GRIN3A: variants seen among roughly 807,000 people sequenced by gnomAD.
GRIN3A encodes glutamate receptor ionotropic, NMDA 3A.
In GRIN3A, 47 loss-of-function variants were observed where a neutral mutation model predicts 92.4. The observed-to-expected ratio is 0.51, with a 90% CI of 0.40 to 0.65. The LOEUF is 0.65. GRIN3A is among the 30% of genes least tolerant of loss of function. GRIN3A has a pLI of 0.00. For missense variants in GRIN3A, 1,324 were observed against 1,393.1 expected (o/e 0.95, Z 0.79); for synonymous variants, 527 against 540.6 (o/e 0.97, Z 0.35).
intron 1 of GRIN3A, among the ~76,000 whole-genome samples, chr9:101,710,691 G>C (rs1156611530): frequency 6.6e-6 from 1 of 152,202 alleles, no homozygotes; most frequent in African/African-American, 2.4e-5. Flanking sequence ...AGGTATCCCA[G>C]GTAGAAATTT....
chr9:101,633,494 G>T (rs72745358), intron 3 of GRIN3A, among the ~76,000 whole-genome samples: 4 of 152,246 alleles, frequency 2.6e-5, no homozygotes, highest in Non-Finnish European at 5.9e-5. Flanking sequence ...GATTAGCAGG[G>T]GTCCCAAACC....
At chr9:101,595,115 G>A (rs1828102523) in intron 6 of GRIN3A, 2 of 600,962 alleles carry the variant, frequency 3.3e-6, no homozygotes, top group South Asian at 2.1e-5. Context: ...AGAGAGGAGG[G>A]AAAGAAGGAG....
intron 1 of GRIN3A, among the ~76,000 whole-genome samples, chr9:101,730,972 C>A (rs1013067294): frequency 6.6e-6 from 1 of 152,064 alleles, no homozygotes; most frequent in Non-Finnish European, 1.5e-5. Flanking sequence ...TTCTAGACTT[C>A]ATATTTTACA....
chr9:101,707,290 G>C (rs1229171076), intron 1 of GRIN3A, among the ~76,000 whole-genome samples: 5 of 152,178 alleles, frequency 3.3e-5, no homozygotes, highest in Non-Finnish European at 7.3e-5. Context: ...GAACTGAACT[G>C]CAGACATGCT....
chr9:101,632,983 A>G (rs769528655), intron 3 of GRIN3A, among the ~76,000 whole-genome samples: 3 of 152,184 alleles, frequency 2.0e-5, no homozygotes, highest in African/African-American at 4.8e-5. Flanking sequence ...CCTTGGGGAA[A>G]TATCTAAGGT....
At position 101,579,320 on chromosome 9, in the gene GRIN3A, A is replaced by G; in HGVS notation, c.2807T>C (p.Val936Ala). The stretch of plus-strand genomic sequence containing the variant: ...CAGACCAAATCCAATGCACAGCAGC[A>G]CAAAGAGCCCAGAGAAGTGTTTGAT... ...MGIKHFSGLF[V>A]LLCIGFGLSI... Residue 936 changes from valine to alanine, a missense_variant, in exon 7 of 9, where the codon GTG becomes GCG. Transcript: ENST00000361820. 1 of 1,614,012 alleles carries G rather than the reference A, an allele frequency of 6.2e-7. No homozygotes were observed. Among genetic ancestry groups the G allele is most frequent in the Non-Finnish European group, 8.5e-7 (1 of 1,179,920 alleles).
chr9:101,598,998 C>T (rs1239778862), intron 6 of GRIN3A, among the ~76,000 whole-genome samples: 1 of 152,090 alleles, frequency 6.6e-6, no homozygotes, highest in African/African-American at 2.4e-5. Context: ...GCTGTATTTC[C>T]CTATGTGAGT....
chr9:101,726,318 C>G (rs1164372684), intron 1 of GRIN3A, among the ~76,000 whole-genome samples: 1 of 152,114 alleles, frequency 6.6e-6, no homozygotes, highest in East Asian at 1.9e-4. Flanking sequence ...TATGGCAAGG[C>G]AGAAGAATCA....
At chr9:101,691,496 C>T (rs902626808) in intron 1 of GRIN3A, among the ~76,000 whole-genome samples, 1 of 151,956 alleles carries the variant, frequency 6.6e-6, no homozygotes, top group Non-Finnish European at 1.5e-5. Context: ...AAGAAAAAAA[C>T]GAGATGTATT....
chr9:101,701,783 T>A (rs975122617), intron 1 of GRIN3A, among the ~76,000 whole-genome samples: 8 of 151,950 alleles, frequency 5.3e-5, no homozygotes, highest in Non-Finnish European at 1.0e-4. Context: ...TAGGAGAAAA[T>A]TTTTGCAAAC....
At chr9:101,715,200 T>TAA (rs5899459) in intron 1 of GRIN3A, among the ~76,000 whole-genome samples, 37,828 of 127,170 alleles carry the variant, frequency 0.3, 6,308 homozygotes, top group Non-Finnish European at 0.39. Context: ...ACAAAAATGG[T>TAA]AAAAAAAAAA....
At position 101,670,614 on chromosome 9, in the gene GRIN3A, C is replaced by A; in HGVS notation, c.1798G>T (p.Val600Leu). ...DMNFDFDLYI[V>L]GDGKYGAWKN... ...CATGCTCCATACTTTCCATCCCCTA[C>A]AATATAGAGGTCGAAGTCAAAGTTC... The change falls in exon 3 of 9, where the codon GTA (valine) becomes TTA (leucine). Residue 600 changes from valine (V) to leucine (L), a missense_variant. Val to Leu is a conservative substitution (Grantham distance 32). Coordinates refer to ENST00000361820, the MANE Select transcript of GRIN3A (RefSeq NM_133445.3). 1 of 1,614,060 alleles carries A rather than the reference C, an allele frequency of 6.2e-7. No homozygotes were observed. Among genetic ancestry groups the A allele is most frequent in the Non-Finnish European group, 8.5e-7 (1 of 1,179,976 alleles).
intron 4 of GRIN3A, among the ~76,000 whole-genome samples, chr9:101,627,452 A>AGAT (rs759459439): frequency 6.6e-5 from 10 of 152,072 alleles, no homozygotes; most frequent in Admixed American, 1.3e-4. Context: ...TCCATTGGGG[A>AGAT]GATTATTGAT....
intron 5 of GRIN3A, among the ~76,000 whole-genome samples, chr9:101,615,213 C>T (rs10121465): frequency 1.1e-4 from 14 of 131,738 alleles, no homozygotes; most frequent in Admixed American, 1.1e-3. Flanking sequence ...AAACCCAAAC[C>T]CTTTTTTTTT....
intron 1 of GRIN3A, among the ~76,000 whole-genome samples, chr9:101,701,601 A>G (rs554432528): frequency 6.6e-6 from 1 of 152,206 alleles, no homozygotes; most frequent in Non-Finnish European, 1.5e-5. Flanking sequence ...ACAAACAGAC[A>G]AAAAACCTTG....
chr9:101,600,997 C>G (rs1788127456), intron 6 of GRIN3A: 1 of 152,124 alleles, frequency 6.6e-6, no homozygotes, highest in Non-Finnish European at 1.5e-5. Flanking sequence ...AGATGGACAA[C>G]AAAACATGTC....
chr9:101,617,203 T>G (rs1340991757), intron 5 of GRIN3A, among the ~76,000 whole-genome samples: 1 of 82,386 alleles, frequency 1.2e-5, no homozygotes, highest in Non-Finnish European at 2.2e-5. Flanking sequence ...CGAGACTCCG[T>G]CTAAAAAAAA....
intron 3 of GRIN3A, among the ~76,000 whole-genome samples, chr9:101,663,865 C>CTT (rs71356374): frequency 3.2e-4 from 46 of 144,896 alleles, no homozygotes; most frequent in African/African-American, 1.1e-3. Context: ...TTTTCTTTTT[C>CTT]TTTTTTTTTT....
At chr9:101,632,260 T>A (rs1828725022) in intron 3 of GRIN3A, among the ~76,000 whole-genome samples, 1 of 152,194 alleles carries the variant, frequency 6.6e-6, no homozygotes, top group African/African-American at 2.4e-5. Flanking sequence ...TGTAACACCC[T>A]CCCATTATAC....
Sources: allele counts gnomAD v4.1 joint callset (sites outside exome capture counted in the v4.1 genomes callset), GRCh38; gene constraint gnomAD v4.1.1; transcripts MANE v1.5; gene names NCBI Gene and HGNC (gene_info 2026-07-23, HGNC 2026-07-21).